Variants in GRAMD4 observed in about 807,000 individuals in gnomAD.
The protein encoded by GRAMD4 is GRAM domain-containing protein 4.
Under a neutral mutation model 83.9 loss-of-function variants are expected in GRAMD4, and 25 were observed. That is an observed-to-expected ratio of 0.30 (90% CI 0.22 to 0.42). The LOEUF is 0.42. GRAMD4 is among the 10% of genes least tolerant of loss of function. The probability of loss-of-function intolerance (pLI) is 1.00; values close to 1 mark genes in which losing one functional copy is unlikely to be tolerated. For synonymous variants in GRAMD4, 336 were observed against 320.9 expected (o/e 1.05, Z -0.50); for missense variants, 593 against 788.7 (o/e 0.75, Z 2.97).
chr22:46,606,793 C>T (rs577752374), intron 1 of GRAMD4, among the ~76,000 whole-genome samples: 21 of 152,400 alleles, frequency 1.4e-4, no homozygotes, highest in African/African-American at 4.8e-4. Context: ...GGGTTATTTC[C>T]ACCTCTTGGC....
chr22:46,681,179 CAG>C (rs71841370), downstream of GRAMD4, among the ~76,000 whole-genome samples: 15,415 of 151,878 alleles, frequency 0.1, 868 homozygotes, highest in Middle Eastern at 0.17. Context: ...TCCACACAGA[CAG>C]GGGGCAGTGT....
chr22:46,680,641 T>TCCA (rs2082660868), downstream of GRAMD4, among the ~76,000 whole-genome samples: 1 of 8,502 alleles, frequency 1.2e-4, no homozygotes, highest in Non-Finnish European at 2.6e-4. Flanking sequence ...CCTCCATCCA[T>TCCA]TCATCCATCC....
chr22:46,672,704 C>A lies in GRAMD4; in HGVS notation c.1085-139C>A. 1.5e-6 allele frequency: 1 copy of A among 657,350 alleles called. No homozygotes were observed. The highest frequency in any genetic ancestry group is 1.8e-5 in the African/African-American group (1 of 55,558). The allele number at this position is 657,350 out of a possible 1,614,324, so 40.7% of individuals were successfully genotyped here. Reference sequence around the variant, plus strand: ...GGGGGTATCCAGGGTGAGGACTGAGCGAGCAGCTGGACTCTCACATCCAGG... The same window carrying A: ...GGGGGTATCCAGGGTGAGGACTGAGAGAGCAGCTGGACTCTCACATCCAGG... On this transcript the variant is annotated intron_variant, in intron 13 of 18. Coordinates refer to ENST00000406902, the MANE Select transcript of GRAMD4 (RefSeq NM_015124.5). The surrounding 1 kb of genome is among the most constrained non-coding windows in gnomAD (Gnocchi z 4.7).
intron 1 of GRAMD4, among the ~76,000 whole-genome samples, chr22:46,609,025 G>A (rs2081392303): frequency 6.6e-6 from 1 of 152,128 alleles, no homozygotes; most frequent in East Asian, 1.9e-4. Context: ...CTACCCCAGA[G>A]GCTGAATTGG....
intron 15 of GRAMD4, 70 bp from the exon 16 acceptor site, chr22:46,674,587 G>A (rs2082566355): frequency 9.5e-7 from 1 of 1,056,220 alleles, no homozygotes; most frequent in African/African-American, 1.6e-5. Context: ...CAGGCTCCTG[G>A]GTCCCAGCGT....
Position 46,658,294 on chromosome 22 carries a change from G to C in GRAMD4, c.391G>C (p.Val131Leu), listed in dbSNP as rs1038984344. The C allele has an allele frequency of 4.3e-6, 7 of 1,611,578 alleles. No homozygotes were observed. The highest frequency in any genetic ancestry group is 2.7e-5 in the African/African-American group (2 of 74,858). Residue 131 changes from valine to leucine, a missense_variant, in exon 4 of 19, where the codon GTG (valine) becomes CTG (leucine). This residue lies in a region of GRAMD4 where 312 missense variants were observed against 350.7 expected (regional missense o/e 0.89). Coordinates refer to ENST00000406902, the MANE Select transcript of GRAMD4 (RefSeq NM_015124.5). ...GGAGCTGGAGCAGAAGGTGCAGGAG[G>C]TGCTGAAGGCCAGGTACCGCGCCTT... ...RMELEQKVQE[V>L]LKARTEEQMA...
chr22:46,666,633 G>C (rs1279510975), intron 9 of GRAMD4, among the ~76,000 whole-genome samples, 192 bp from the exon 10 acceptor site: 1 of 152,138 alleles, frequency 6.6e-6, no homozygotes, highest in African/African-American at 2.4e-5. Context: ...GGAGGGGCTG[G>C]TGAGGGTGAC....
intron 3 of GRAMD4, among the ~76,000 whole-genome samples, chr22:46,646,538 G>C (rs1202125217): frequency 6.6e-6 from 1 of 152,208 alleles, no homozygotes; most frequent in African/African-American, 2.4e-5. Context: ...CCTTACCATT[G>C]AAGTCTTCTG....
chr22:46,644,000 C>T (rs1324096204), intron 3 of GRAMD4, among the ~76,000 whole-genome samples: 1 of 152,198 alleles, frequency 6.6e-6, no homozygotes, highest in Non-Finnish European at 1.5e-5. Context: ...AACCAGTTTT[C>T]TTCTAATTTT....
intron 1 of GRAMD4, among the ~76,000 whole-genome samples, chr22:46,609,837 GT>G (rs1435589713): frequency 6.6e-6 from 1 of 152,232 alleles, no homozygotes; most frequent in Non-Finnish European, 1.5e-5. Flanking sequence ...CTGTGTTGTT[GT>G]TTGTCACTGG....
intron 1 of GRAMD4, among the ~76,000 whole-genome samples, chr22:46,578,405 C>T (rs1208563443): frequency 1.3e-5 from 2 of 152,142 alleles, no homozygotes; most frequent in Non-Finnish European, 2.9e-5. Context: ...TGACCTTGGG[C>T]AAGGTAGTGA....
chr22:46,614,018 G>C (rs138499), intron 1 of GRAMD4, among the ~76,000 whole-genome samples: 2 of 152,044 alleles, frequency 1.3e-5, no homozygotes, highest in South Asian at 2.1e-4. Flanking sequence ...CGGCTCACGC[G>C]GGTTCCCAGG....
At chr22:46,646,769 G>A (rs552450180) in intron 3 of GRAMD4, among the ~76,000 whole-genome samples, 49 of 152,320 alleles carry the variant, frequency 3.2e-4, no homozygotes, top group African/African-American at 1.2e-3. Context: ...GTGTTTTCAC[G>A]CTGCTGATAA....
At chr22:46,658,119 C>A in intron 3 of GRAMD4, 68 bp from the exon 4 acceptor site, 1 of 1,600,892 alleles carries the variant, frequency 6.2e-7, no homozygotes, top group South Asian at 1.1e-5. Flanking sequence ...GCACCCCTGC[C>A]CCAGCATCCC....
Position 46,669,636 on chromosome 22 carries a change from C to T in GRAMD4, c.1084+728C>T, listed in dbSNP as rs559941727. ...TGTCGCCCAGGCTGGAGTGCAGTGG[C>T]GTGATCTCGGCTCACTGCAACCTCC... On this transcript the variant is annotated intron_variant, in intron 13 of 18. Coordinates refer to ENST00000406902, the MANE Select transcript of GRAMD4 (RefSeq NM_015124.5). 3.3e-3 allele frequency among the ~76,000 whole-genome samples: 494 copies of T among 150,084 alleles called. 5 individuals carry two copies. The highest frequency in any genetic ancestry group is 3.5e-3 in the Non-Finnish European group (236 of 67,646).
intron 10 of GRAMD4, among the ~76,000 whole-genome samples, chr22:46,667,509 A>G (rs1197841746): frequency 6.6e-6 from 1 of 152,190 alleles, no homozygotes; most frequent in Admixed American, 6.5e-5. Flanking sequence ...AGCCAAAAAT[A>G]TTTACTGTCT....
intron 2 of GRAMD4, among the ~76,000 whole-genome samples, chr22:46,628,667 G>C (rs1199213158): frequency 6.6e-6 from 1 of 152,152 alleles, no homozygotes; most frequent in Non-Finnish European, 1.5e-5. Flanking sequence ...GCTGCAGTGA[G>C]GGGGCCAGGG....
At chr22:46,627,510 G>A (rs532380037) in intron 2 of GRAMD4, among the ~76,000 whole-genome samples, 1 of 152,230 alleles carries the variant, frequency 6.6e-6, no homozygotes. Context: ...GGAGCCAGGC[G>A]GGAGCCAGGC....
intron 1 of GRAMD4, among the ~76,000 whole-genome samples, chr22:46,591,465 T>C (rs1192601082): frequency 6.6e-6 from 1 of 151,954 alleles, no homozygotes; most frequent in African/African-American, 2.4e-5. Context: ...CCAAATTCAT[T>C]TGGACGACGT....
Sources: gnomAD v4.1 joint callset for allele counts (sites outside exome capture counted in the v4.1 genomes callset) on GRCh38, gnomAD v4.1.1 for gene constraint, gnomAD v4.1.1 regional missense constraint, Gnocchi (gnomAD v3.1) non-coding constraint, MANE v1.5 for transcripts, NCBI Gene and HGNC (gene_info 2026-07-23, HGNC 2026-07-21) for gene names.